Variants in RIF1 observed in about 807,000 individuals in gnomAD.
The protein encoded by RIF1 is telomere-associated protein RIF1.
Under a neutral mutation model 247.1 loss-of-function variants are expected in RIF1, and 45 were observed. The observed-to-expected ratio is 0.18, with a 90% CI of 0.14 to 0.23. The LOEUF is 0.23. Among genes scored for constraint, RIF1 ranks in the 10% least tolerant of loss-of-function variants. The probability of loss-of-function intolerance (pLI) is 1.00; values close to 1 mark genes in which losing one functional copy is unlikely to be tolerated. For missense variants in RIF1, 2,967 were observed against 2,862.5 expected, an observed-to-expected ratio of 1.04 and a Z score of -0.83; for synonymous variants, 1,087 against 978.8, an observed-to-expected ratio of 1.11 and a Z score of -2.06.
chr2:151,511,490 TC>T (rs775156909), downstream of RIF1, among the ~76,000 whole-genome samples: 12 of 152,196 alleles, frequency 7.9e-5, no homozygotes, highest in Non-Finnish European at 1.3e-4. Flanking sequence ...AAAATAGATT[TC>T]CAGAGCCTAC....
the RIF1 span, among the ~76,000 whole-genome samples, chr2:151,525,758 C>G: frequency 6.6e-6 from 1 of 152,140 alleles, no homozygotes; most frequent in Non-Finnish European, 1.5e-5. Flanking sequence ...TAGCAAAACC[C>G]ACATTTGCCA....
downstream of RIF1, among the ~76,000 whole-genome samples, chr2:151,486,986 AAAAG>A (rs2051059839): frequency 6.6e-6 from 1 of 152,198 alleles, no homozygotes; most frequent in Non-Finnish European, 1.5e-5. Context: ...TGGTTGGAAA[AAAAG>A]CTTAAAATCA....
chr2:151,444,098 T>G (rs1692822345), intron 18 of RIF1, among the ~76,000 whole-genome samples: 1 of 152,230 alleles, frequency 6.6e-6, no homozygotes, highest in Non-Finnish European at 1.5e-5. Flanking sequence ...TTTCCTTAAG[T>G]CAGGAATCTA....
intron 24 of RIF1, among the ~76,000 whole-genome samples, chr2:151,458,442 C>T (rs1439588712): frequency 1.3e-5 from 2 of 151,822 alleles, no homozygotes; most frequent in East Asian, 3.9e-4. Flanking sequence ...CTGTGTTAGC[C>T]AGGATCGTCT....
intron 4 of RIF1, among the ~76,000 whole-genome samples, chr2:151,415,563 C>CAA (rs3040729): frequency 0.55 from 24,650 of 44,610 alleles, 8,183 homozygotes; most frequent in Admixed American, 0.68. Context: ...GACTCTGTCT[C>CAA]AAAAAAAAAA....
chr2:151,530,225 G>A, the RIF1 span, among the ~76,000 whole-genome samples: 1 of 152,112 alleles, frequency 6.6e-6, no homozygotes, highest in Non-Finnish European at 1.5e-5. Context: ...TATTGTCATT[G>A]CTGGAGACAT....
chr2:151,500,439 G>GTGT (rs1380076169), intron 11 of RIF1, among the ~76,000 whole-genome samples: 1 of 151,360 alleles, frequency 6.6e-6, no homozygotes, highest in Non-Finnish European at 1.5e-5. Flanking sequence ...AATAATTTGT[G>GTGT]TGTTAGAGTT....
rs949561848 is a variant in RIF1 at position 151,463,635 on chromosome 2, C to T, written c.4115C>T (p.Thr1372Ile). ...VENAVLLETN[T>I]VEEKNVEINL... ...AATGCTGTATTATTGGAAACTAATA[C>T]TGTAGAGGAGAAAAATGTAGAAATT... The change falls in exon 30 of 36, where the codon ACT (threonine) becomes ATT (isoleucine). Residue 1372 changes from threonine to isoleucine, a missense_variant. By Grantham distance (89) the Thr-to-Ile change is moderately conservative (BLOSUM62 -1). Around this residue, in one of 7 missense-constraint regions of RIF1, gnomAD observed 2,028 missense variants for 1,825.6 expected, o/e 1.11. Transcript: ENST00000444746. The T allele has an allele frequency of 1.9e-6, 3 of 1,613,670 alleles. No homozygotes were observed. Among genetic ancestry groups the T allele is most frequent in the Non-Finnish European group, 2.5e-6 (3 of 1,179,848 alleles).
chr2:151,516,014 C>T, the RIF1 span, among the ~76,000 whole-genome samples: 19 of 152,106 alleles, frequency 1.2e-4, no homozygotes, highest in Admixed American at 6.5e-4. Context: ...TCTAAAATAA[C>T]GAATATGGCA....
chr2:151,493,384 C>G (rs1559153253), intron 9 of RIF1: 1 of 1,612,460 alleles, frequency 6.2e-7, no homozygotes. Context: ...GCGCTTAGCT[C>G]TCTCCATCTC....
At position 151,464,469 on chromosome 2, in the gene RIF1, G is replaced by A. The variant is rs1696624774; in HGVS notation, c.4949G>A (p.Cys1650Tyr). 1 of 1,613,166 alleles carries A rather than the reference G, an allele frequency of 6.2e-7. No individual in the cohort carries two copies. The highest frequency in any genetic ancestry group is 8.5e-7 in the Non-Finnish European group (1 of 1,179,756). ...LQVPDDLPNV[C>Y]EEKNETSKYA... Reference sequence around the variant, plus strand: ...GTTCCTGATGATTTACCAAATGTGTGTGAGGAAAAAAATGAAACTAGCAAA... The same window carrying A: ...GTTCCTGATGATTTACCAAATGTGTATGAGGAAAAAAATGAAACTAGCAAA... Residue 1650 changes from cysteine (C) to tyrosine (Y), a missense_variant, in exon 30 of 36, where the codon TGT (cysteine) becomes TAT (tyrosine). Physicochemically the swap from Cys to Tyr is radical, Grantham distance 194. Transcript: ENST00000444746.
chr2:151,512,869 G>A, downstream of RIF1: 1 of 1,443,816 alleles, frequency 6.9e-7, no homozygotes, highest in Non-Finnish European at 9.7e-7. Flanking sequence ...TTGGGTAAAT[G>A]TTTGCAATGT....
At chr2:151,415,220 G>T (rs1368841844) in intron 4 of RIF1, among the ~76,000 whole-genome samples, 1 of 151,824 alleles carries the variant, frequency 6.6e-6, no homozygotes, top group Non-Finnish European at 1.5e-5. Context: ...CGTGGCGGGC[G>T]CCTGTAGTTC....
chr2:151,483,136 TCATA>T (rs1218014389), downstream of RIF1: 3 of 152,034 alleles, frequency 2.0e-5, no homozygotes, highest in African/African-American at 7.2e-5. Flanking sequence ...ACAATACAGT[TCATA>T]CATTTGAGTG....
At position 151,409,930 on chromosome 2, in the gene RIF1, C is replaced by A. The variant is rs762398600; in HGVS notation, c.-114C>A. ...CGCCATCTTGGTCTAGGAGGGAGCG[C>A]GCCGCACGCGTGAGTAAACAGCCGG... On this transcript the variant is annotated 5_prime_UTR_variant, in exon 1 of 36. Coordinates refer to ENST00000444746, the MANE Select transcript of RIF1 (RefSeq NM_018151.5). The A allele has an allele frequency of 2.9e-6, 2 of 700,874 alleles. No homozygotes were observed. The highest frequency in any genetic ancestry group is 2.0e-5 in the Admixed American group (1 of 49,958). 43.4% of individuals were successfully genotyped at this position (700,874 alleles called of 1,614,324 possible). A position where few individuals can be genotyped will look rare whatever the true frequency, so the allele number is the denominator to read the frequency against.
At chr2:151,534,344 T>TA in the RIF1 span, 1 of 1,585,842 alleles carries the variant, frequency 6.3e-7, no homozygotes. Context: ...TAGCATATTA[T>TA]AGCAAGAGTA....
downstream of RIF1, chr2:151,486,017 A>G: frequency 8.0e-6 from 11 of 1,379,606 alleles, no homozygotes; most frequent in Non-Finnish European, 1.1e-5. Context: ...ATCTCTCATG[A>G]CTGACTCCAC....
At chr2:151,498,983 A>G (rs755465698) in intron 10 of RIF1, among the ~76,000 whole-genome samples, 2 of 152,176 alleles carry the variant, frequency 1.3e-5, no homozygotes, top group African/African-American at 4.8e-5. Flanking sequence ...GATCTTTGCA[A>G]AATACATTTG....
In RIF1 at chr2:151,475,630, C is replaced by A. The variant is rs1051983657; in HGVS notation, c.*559C>A. ...TCAAGAAAAATGAGAAAAGTTTCAA[C>A]TTCTGGCGGTTAAAATATTAATGCA... On this transcript the variant is annotated 3_prime_UTR_variant, in exon 36 of 36. Transcript: ENST00000444746. 1 of 153,320 alleles carries A rather than the reference C, an allele frequency of 6.5e-6. No individual in the cohort carries two copies. The highest frequency in any genetic ancestry group is 2.4e-5 in the African/African-American group (1 of 41,442). The allele number at this position is 153,320 out of a possible 1,614,324, so 9.5% of individuals were successfully genotyped here.
Sources: gnomAD v4.1 joint callset for allele counts (sites outside exome capture counted in the v4.1 genomes callset) on GRCh38, gnomAD v4.1.1 for gene constraint, gnomAD v4.1.1 regional missense constraint, MANE v1.5 for transcripts, NCBI Gene and HGNC (gene_info 2026-07-23, HGNC 2026-07-21) for gene names.